PSG1: variants seen among roughly 807,000 people sequenced by gnomAD.
The protein encoded by PSG1 is pregnancy specific beta-1-glycoprotein 1.
PSG1 carries 60 observed loss-of-function variants against 41.4 expected under a neutral mutation model. The observed-to-expected ratio is 1.45, with a 90% CI of 1.18 to 1.80. PSG1 has a LOEUF of 1.80. Among genes scored for constraint, PSG1 ranks in the 40% most tolerant of loss-of-function variants. The pLI is 0.00. For synonymous variants in PSG1, 256 were observed against 192.9 expected (o/e 1.33, Z -2.71); for missense variants, 806 against 516.9 (o/e 1.56, Z -5.42).
chr19:42,869,097 T>C lies in PSG1; in HGVS notation c.710-63A>G, dbSNP rs1029981674. 5.0e-6 allele frequency: 8 copies of C among 1,590,678 alleles called. No individual in the cohort carries two copies. The African/African-American group carries it at 9.5e-5, about 19-fold the overall frequency. On this transcript the variant is annotated intron_variant, in intron 3 of 5. Transcript: ENST00000436291. Reference sequence around the variant, plus strand: ...ACCTTTGATTCCTCCACAGGTATCCTTCAATCAGAGTTGGCATCTCCCACC... The same window carrying C: ...ACCTTTGATTCCTCCACAGGTATCCCTCAATCAGAGTTGGCATCTCCCACC...
Position 42,866,670 on chromosome 19 carries a change from C to T in PSG1, c.*464G>A, listed in dbSNP as rs980520429. 4.6e-4 allele frequency: 145 copies of T among 314,836 alleles called. 3 individuals carry two copies. Among genetic ancestry groups the T allele is most frequent in the Non-Finnish European group, 7.7e-4 (128 of 167,204 alleles). 19.5% of individuals were successfully genotyped at this position (314,836 alleles called of 1,614,324 possible). A position where few individuals can be genotyped will look rare whatever the true frequency, so the allele number is the denominator to read the frequency against. ...CTCTGTGTTCATTTCTATTGGGAGCCCTGTATGCAAGGTGGAGAGAGCCAC... is the reference window on the plus strand; with the variant it reads ...CTCTGTGTTCATTTCTATTGGGAGCTCTGTATGCAAGGTGGAGAGAGCCAC... On this transcript the variant is annotated 3_prime_UTR_variant, in exon 6 of 6. Coordinates refer to ENST00000436291, the MANE Select transcript of PSG1 (RefSeq NM_001184825.2).
At chr19:42,867,723 A>G (rs983262338) in intron 5 of PSG1, 11 of 843,184 alleles carry the variant, frequency 1.3e-5, no homozygotes, top group African/African-American at 1.2e-4. Context: ...TCCCAGAAGT[A>G]TAGTTTATTG....
intron 4 of PSG1, among the ~76,000 whole-genome samples, 194 bp downstream of exon 4, chr19:42,868,562 G>A (rs1971238286): frequency 6.6e-6 from 1 of 151,202 alleles, no homozygotes; most frequent in East Asian, 1.9e-4. Context: ...CATGATAAGA[G>A]CATCCCCTCC....
intron 1 of PSG1, among the ~76,000 whole-genome samples, chr19:42,879,275 C>A (rs1971763871): frequency 6.6e-6 from 1 of 150,894 alleles, no homozygotes; most frequent in South Asian, 2.1e-4. Context: ...GCCTCAGCCT[C>A]CCGAGTAGCT....
rs183350571 is a variant in PSG1, at chr19:42,875,736, T to C, written c.430+2177A>G. 5.6e-4 allele frequency among the ~76,000 whole-genome samples: 85 copies of C among 151,766 alleles called. 3 individuals are homozygous for C. Among genetic ancestry groups the C allele is most frequent in the Admixed American group, 5.4e-3 (82 of 15,174 alleles). ...GCTGATTTGAGTAATAATAAACCTC[T>C]GTCCTCCTGTTTGGCAGACTTGGAG... On this transcript the variant is annotated intron_variant, in intron 2 of 5. Coordinates refer to ENST00000436291, the MANE Select transcript of PSG1 (RefSeq NM_001184825.2).
At chr19:42,871,171 A>C (rs1157870694) in intron 3 of PSG1, among the ~76,000 whole-genome samples, 1 of 151,642 alleles carries the variant, frequency 6.6e-6, no homozygotes, top group Non-Finnish European at 1.5e-5. Context: ...TGGATGAAAC[A>C]GACCTAGATC....
At position 42,878,158 on chromosome 19, in the gene PSG1, A is replaced by T; in HGVS notation, c.185T>A (p.Leu62His). 8 of 1,612,260 alleles carry T rather than the reference A, an allele frequency of 5.0e-6. No homozygotes were observed. Among genetic ancestry groups the T allele is most frequent in the Non-Finnish European group, 6.8e-6 (8 of 1,179,168 alleles). ...LLLVHNLPQN[L>H]TGYIWYKGQM... ...CCCTTTGTACCAGATGTAGCCGGTA[A>T]GATTCTGGGGCAAATTGTGGACAAG... Residue 62 changes from leucine to histidine, a missense_variant, in exon 2 of 6, where the codon CTT becomes CAT. Physicochemically the swap from Leu to His is moderately conservative, Grantham distance 99 (BLOSUM62 -3). Coordinates refer to ENST00000436291, the MANE Select transcript of PSG1 (RefSeq NM_001184825.2).
intron 2 of PSG1, among the ~76,000 whole-genome samples, chr19:42,873,714 C>A (rs1307689474): frequency 1.3e-5 from 2 of 151,432 alleles, no homozygotes; most frequent in East Asian, 1.9e-4. Flanking sequence ...TTGAAAGGAC[C>A]GAACTGGTCA....
intron 2 of PSG1, among the ~76,000 whole-genome samples, chr19:42,875,320 T>A (rs1306875375): frequency 1.3e-5 from 2 of 151,714 alleles, no homozygotes; most frequent in African/African-American, 4.8e-5. Context: ...TGAAAGACCA[T>A]GAGATTAAGA....
chr19:42,867,157 G>T lies in PSG1; in HGVS notation c.1244-7C>A. On this transcript the variant is annotated splice_region_variant and splice_polypyrimidine_tract_variant and intron_variant, in intron 5 of 5. Transcript: ENST00000436291. Reference sequence around the variant, plus strand: ...ATTCAGGGAACTGTCCAGTCTACAGGTGGATAATAAAAACACAGAAACAAT... The same window carrying T: ...ATTCAGGGAACTGTCCAGTCTACAGTTGGATAATAAAAACACAGAAACAAT... 1.3e-6 allele frequency: 1 copy of T among 767,906 alleles called. No homozygotes were observed. Among genetic ancestry groups the T allele is most frequent in the Non-Finnish European group, 2.4e-6 (1 of 417,432 alleles). 47.6% of individuals were successfully genotyped at this position (767,906 alleles called of 1,614,324 possible).
At chr19:42,875,355 T>C (rs1031019169) in intron 2 of PSG1, among the ~76,000 whole-genome samples, 1 of 151,822 alleles carries the variant, frequency 6.6e-6, no homozygotes. Flanking sequence ...TGAATTTTGC[T>C]AAAATGTAGG....
intron 1 of PSG1, among the ~76,000 whole-genome samples, chr19:42,878,754 C>T (rs1478969944): frequency 6.0e-5 from 9 of 149,908 alleles, no homozygotes; most frequent in East Asian, 2.0e-4. Context: ...TCTGTCTTCC[C>T]CCCCATGACA....
intron 2 of PSG1, among the ~76,000 whole-genome samples, chr19:42,875,389 G>T (rs1971560756): frequency 6.6e-6 from 1 of 151,708 alleles, no homozygotes; most frequent in Non-Finnish European, 1.5e-5. Flanking sequence ...ATCCCTGACT[G>T]CTCCAGTGTC....
chr19:42,879,052 C>T (rs1376481905), intron 1 of PSG1, among the ~76,000 whole-genome samples: 1 of 151,620 alleles, frequency 6.6e-6, no homozygotes, highest in Non-Finnish European at 1.5e-5. Context: ...TACCTCTTAC[C>T]AATTCCGGTC....
At position 42,877,994 on chromosome 19, in the gene PSG1, C is replaced by A. The variant is rs145276203; in HGVS notation, c.349G>T (p.Ala117Ser). The A allele has an allele frequency of 1.2e-4, 191 of 1,612,356 alleles. 2 individuals are homozygous for A. The African/African-American group carries it at 2.5e-3, about 21-fold the overall frequency. ...ATGATGTGTAAGGTGTAGGATCCTG[C>A]GTCCTCCCGGGTGACATTCTGGATC... is the stretch of plus-strand genomic sequence containing the variant. The part of the protein sequence containing the change: ...LLIQNVTRED[A>S]GSYTLHIIKG... The change falls in exon 2 of 6, where the codon GCA becomes TCA. Residue 117 changes from alanine (A) to serine (S), a missense_variant. Transcript: ENST00000436291.
At chr19:42,874,124 T>C (rs914274512) in intron 2 of PSG1, 91 of 151,840 alleles carry the variant, frequency 6.0e-4, no homozygotes, top group African/African-American at 2.1e-3. Context: ...TACATTACAG[T>C]CTTTGTAGTT....
rs776073211 is a variant in PSG1 at position 42,872,071 on chromosome 19, G to A, written c.431-26C>T. 1.9e-5 allele frequency: 31 copies of A among 1,595,816 alleles called. 2 individuals carry two copies. In the South Asian group the frequency reaches 3.3e-4, roughly 17 times the overall value. ...CTGTGCAGAAAACAGGGTGAAGATT[G>A]CCGTGTGTGGCGCCTTTGATTCCTC... On this transcript the variant is annotated intron_variant, in intron 2 of 5. Coordinates refer to ENST00000436291, the MANE Select transcript of PSG1 (RefSeq NM_001184825.2).
chr19:42,871,157 G>T (rs1971365342), intron 3 of PSG1, among the ~76,000 whole-genome samples: 1 of 151,618 alleles, frequency 6.6e-6, no homozygotes, highest in African/African-American at 2.4e-5. Context: ...CAGTGGCTGA[G>T]TTATGGATGA....
chr19:42,871,003 T>C (rs1450546016), intron 3 of PSG1, among the ~76,000 whole-genome samples: 1 of 151,292 alleles, frequency 6.6e-6, no homozygotes, highest in Non-Finnish European at 1.5e-5. Context: ...CTGTCCTGGG[T>C]TTTTGATTTT....
Sources: gnomAD v4.1 joint callset for allele counts (sites outside exome capture counted in the v4.1 genomes callset) on GRCh38, gnomAD v4.1.1 for gene constraint, MANE v1.5 for transcripts, NCBI Gene and HGNC (gene_info 2026-07-23, HGNC 2026-07-21) for gene names.